ABCA13: variants seen among roughly 807,000 people sequenced by gnomAD.
ABCA13 encodes ATP binding cassette subfamily A member 13.
A neutral mutation model predicts 478.7 loss-of-function variants in ABCA13; 476 were observed. The observed-to-expected ratio is 0.99, with a 90% confidence interval of 0.92 to 1.07. The LOEUF is 1.07. Among genes scored for constraint, ABCA13 ranks in the 50% least tolerant of loss-of-function variants. ABCA13 has a pLI of 0.00. For missense variants in ABCA13, 6,060 were observed against 5,910.6 expected (o/e 1.03, Z -0.83); for synonymous variants, 2,252 against 2,158.9 (o/e 1.04, Z -1.20).
At chr7:48,483,187 T>A (rs911840931) in intron 47 of ABCA13, 24 bp downstream of exon 47, 1 of 1,582,584 alleles carries the variant, frequency 6.3e-7, no homozygotes, top group East Asian at 2.3e-5. Context: ...TTTATTTTTT[T>A]CCTGTTTTAG....
intron 1 of ABCA13, among the ~76,000 whole-genome samples, chr7:48,174,247 A>T (rs1380655427): frequency 1.3e-5 from 2 of 152,182 alleles, no homozygotes; most frequent in Non-Finnish European, 2.9e-5. Flanking sequence ...AAAGCCAGGA[A>T]CTATTTGTTG....
chr7:48,481,467 C>G (rs1828749940), intron 46 of ABCA13, among the ~76,000 whole-genome samples: 1 of 152,184 alleles, frequency 6.6e-6, no homozygotes, highest in South Asian at 2.1e-4. Flanking sequence ...TGCTGACTTT[C>G]ACTCTTTTAA....
At chr7:48,313,668 A>G (rs1802106657) in intron 25 of ABCA13, among the ~76,000 whole-genome samples, 1 of 152,234 alleles carries the variant, frequency 6.6e-6, no homozygotes, top group Admixed American at 6.5e-5. Context: ...GATTTAGTTT[A>G]GTGACTTGAT....
chr7:48,378,738 A>G (rs1813881356), intron 35 of ABCA13, among the ~76,000 whole-genome samples: 1 of 152,242 alleles, frequency 6.6e-6, no homozygotes, highest in Non-Finnish European at 1.5e-5. Flanking sequence ...CAACTGGAGA[A>G]AAAGATCTGC....
intron 15 of ABCA13, among the ~76,000 whole-genome samples, chr7:48,267,421 A>G (rs1207859987): frequency 6.6e-6 from 1 of 152,134 alleles, no homozygotes; most frequent in African/African-American, 2.4e-5. Flanking sequence ...TTATGTTATC[A>G]TCTGAAACCT....
At chr7:48,297,169 A>C (rs1304236126) in intron 21 of ABCA13, 63 bp from the exon 22 acceptor site, 1 of 1,353,418 alleles carries the variant, frequency 7.4e-7, no homozygotes. Flanking sequence ...AGTATTATTC[A>C]TTCCAACACT....
At position 48,471,610 on chromosome 7, in the gene ABCA13, G is replaced by A. The variant is rs370117651; in HGVS notation, c.12975+11G>A. ...TCATGTGGCTGCCTGGTAGGTTTCT[G>A]CAGCATTTTTGATCTTTTTAAGTCT... On this transcript the variant is annotated intron_variant, in intron 45 of 61. Transcript: ENST00000435803. 63 of 1,555,308 alleles carry A rather than the reference G, an allele frequency of 4.1e-5. No homozygotes were observed. The African/African-American group carries it at 8.0e-4, about 20-fold the overall frequency.
At chr7:48,636,698 G>A (rs1326892673) in intron 59 of ABCA13, among the ~76,000 whole-genome samples, 1 of 152,138 alleles carries the variant, frequency 6.6e-6, no homozygotes, top group Non-Finnish European at 1.5e-5. Flanking sequence ...ATTTTTGAAT[G>A]TGGGCCTGAA....
chr7:48,466,845 A>C, intron 43 of ABCA13, 111 bp from the exon 44 acceptor site: 2 of 977,842 alleles, frequency 2.0e-6, no homozygotes, highest in South Asian at 2.6e-5. Flanking sequence ...GAATCATTAG[A>C]TGGATCAGCC....
chr7:48,406,130 T>A (rs1818231639), intron 39 of ABCA13, among the ~76,000 whole-genome samples: 1 of 152,132 alleles, frequency 6.6e-6, no homozygotes, highest in African/African-American at 2.4e-5. Context: ...ACCTGGAATT[T>A]TGTGTGTGTT....
Position 48,278,117 on chromosome 7 carries a change from T to A in ABCA13, c.6923T>A (p.Leu2308Gln). The part of the protein sequence containing the change: ...EMSFVPKDKI[L>Q]EILKLDQFLT... Reference sequence around the variant, plus strand: ...AGTTTTGTCCCAAAAGATAAAATTCTAGAAATTCTGAAACTGGATCAATTT... The same window carrying A: ...AGTTTTGTCCCAAAAGATAAAATTCAAGAAATTCTGAAACTGGATCAATTT... Residue 2308 changes from leucine (L) to glutamine (Q), a missense_variant, in exon 18 of 62, where the codon CTA (leucine) becomes CAA (glutamine). Physicochemically the swap from Leu to Gln is moderately radical, Grantham distance 113 (BLOSUM62 -2). This residue lies in a region of ABCA13 where 4,423 missense variants were observed against 4,309.1 expected (regional missense o/e 1.03). Coordinates refer to ENST00000435803, the MANE Select transcript of ABCA13 (RefSeq NM_152701.5). 2 of 1,349,246 alleles carry A rather than the reference T, an allele frequency of 1.5e-6. No individual in the cohort carries two copies. The highest frequency in any genetic ancestry group is 2.0e-6 in the Non-Finnish European group (2 of 1,022,674). The allele number at this position is 1,349,246 out of a possible 1,614,324, so 83.6% of individuals were successfully genotyped here.
intron 55 of ABCA13, among the ~76,000 whole-genome samples, chr7:48,531,367 A>G (rs1008412352): frequency 3.9e-5 from 6 of 152,148 alleles, no homozygotes; most frequent in African/African-American, 1.4e-4. Flanking sequence ...TTTTTATACA[A>G]GTACCATTCT....
At chr7:48,177,440 C>A (rs937398621) in intron 1 of ABCA13, among the ~76,000 whole-genome samples, 4 of 152,194 alleles carry the variant, frequency 2.6e-5, no homozygotes, top group African/African-American at 7.2e-5. Flanking sequence ...CAGCCACCTG[C>A]GAGCCAGTGC....
intron 56 of ABCA13, among the ~76,000 whole-genome samples, chr7:48,584,413 G>A (rs1397985231): frequency 6.6e-6 from 1 of 152,116 alleles, no homozygotes; most frequent in Non-Finnish European, 1.5e-5. Context: ...GACCACTGTC[G>A]GAGAGGAGTT....
chr7:48,204,683 C>T (rs1784705666), intron 3 of ABCA13, among the ~76,000 whole-genome samples: 1 of 152,180 alleles, frequency 6.6e-6, no homozygotes, highest in Non-Finnish European at 1.5e-5. Context: ...GTCGGCCTTT[C>T]TCTTTTTGTA....
intron 28 of ABCA13, among the ~76,000 whole-genome samples, chr7:48,336,060 T>C (rs932501791): frequency 3.9e-5 from 6 of 152,180 alleles, no homozygotes; most frequent in African/African-American, 1.4e-4. Flanking sequence ...TTTTAATTCA[T>C]GTTTAGTTTT....
At chr7:48,544,252 T>C (rs1784614039) in intron 55 of ABCA13, among the ~76,000 whole-genome samples, 1 of 151,634 alleles carries the variant, frequency 6.6e-6, no homozygotes, top group Non-Finnish European at 1.5e-5. Flanking sequence ...TACTGTGCAA[T>C]ATATATTTTT....
chr7:48,501,383 G>A (rs1001826723), intron 48 of ABCA13, among the ~76,000 whole-genome samples: 14 of 152,164 alleles, frequency 9.2e-5, no homozygotes, highest in African/African-American at 3.4e-4. Flanking sequence ...AAGCAGAAAG[G>A]CCCCATTCCA....
At chr7:48,524,547 A>T in intron 54 of ABCA13, 107 bp downstream of exon 54, 1 of 1,060,266 alleles carries the variant, frequency 9.4e-7, no homozygotes, top group Admixed American at 3.4e-5. Context: ...AGCCAAAAAT[A>T]GCCTTCAAAT....
Sources: gnomAD v4.1 joint callset for allele counts (sites outside exome capture counted in the v4.1 genomes callset) on GRCh38, gnomAD v4.1.1 for gene constraint, gnomAD v4.1.1 regional missense constraint, MANE v1.5 for transcripts, NCBI Gene and HGNC (gene_info 2026-07-23, HGNC 2026-07-21) for gene names.